Variants in GLT6D1 observed in about 807,000 individuals in gnomAD.
GLT6D1 encodes putative glycosyltransferase 6 domain-containing protein 1.
Under a neutral mutation model 12.3 loss-of-function variants are expected in GLT6D1, and 9 were observed. That is an observed-to-expected ratio of 0.73 (90% CI 0.44 to 1.27). The LOEUF (loss-of-function observed/expected upper bound fraction) is 1.27. GLT6D1 is among the 50% of genes most tolerant of loss of function. GLT6D1 has a pLI of 0.00. For synonymous variants in GLT6D1, 128 were observed against 132.3 expected (o/e 0.97, Z 0.23); for missense variants, 335 against 346.2 (o/e 0.97, Z 0.26).
chr9:135,633,466 G>C (rs1025528696), intron 2 of GLT6D1, among the ~76,000 whole-genome samples: 2 of 151,900 alleles, frequency 1.3e-5, no homozygotes, highest in Non-Finnish European at 1.5e-5. Context: ...ACGGGGCCAG[G>C]CTGGTCTCAA....
intron 3 of GLT6D1, among the ~76,000 whole-genome samples, chr9:135,627,171 GA>G (rs1046918880): frequency 1.1e-4 from 16 of 151,786 alleles, no homozygotes; most frequent in African/African-American, 1.9e-4. Context: ...GATTGGGAAG[GA>G]AAAAAACAAC....
At position 135,624,636 on chromosome 9, in the gene GLT6D1, A is replaced by G. The variant is rs1316816787; in HGVS notation, c.292T>C (p.Ser98Pro). ...CCTGTCATGAAGTGCTTATTTGCGG[A>G]GTGTAGGAACGGCCTCAGGTACTCC... ...AEEYLRPFLHSANKHFMTGYR... is the reference protein window; with the variant it reads ...AEEYLRPFLHPANKHFMTGYR... The change falls in exon 5 of 5, where the codon TCC (serine) becomes CCC (proline). Residue 98 changes from serine to proline, a missense_variant. Physicochemically the swap from Ser to Pro is moderately conservative, Grantham distance 74. Transcript: ENST00000371763. 1 of 1,598,660 alleles carries G rather than the reference A, an allele frequency of 6.3e-7. No homozygotes were observed. Among genetic ancestry groups the G allele is most frequent in the Non-Finnish European group, 8.5e-7 (1 of 1,170,852 alleles).
chr9:135,636,957 A>G (rs1236413548), intron 2 of GLT6D1, among the ~76,000 whole-genome samples: 1 of 151,954 alleles, frequency 6.6e-6, no homozygotes, highest in Non-Finnish European at 1.5e-5. Flanking sequence ...GGTTCAAGTG[A>G]TTCATCTGCC....
intron 3 of GLT6D1, 144 bp from the exon 4 acceptor site, chr9:135,626,350 T>C (rs896774783): frequency 3.7e-6 from 3 of 806,206 alleles, no homozygotes; most frequent in Admixed American, 2.6e-5. Flanking sequence ...GGATTCATCC[T>C]TGCAACGCCC....
upstream of GLT6D1, among the ~76,000 whole-genome samples, chr9:135,640,959 C>T (rs1173245341): frequency 6.6e-6 from 1 of 152,158 alleles, no homozygotes; most frequent in Non-Finnish European, 1.5e-5. Context: ...TCCATGACAT[C>T]ATCCCTGGGC....
intron 3 of GLT6D1, among the ~76,000 whole-genome samples, chr9:135,627,738 G>C (rs1019466657): frequency 1.3e-5 from 2 of 152,128 alleles, no homozygotes; most frequent in African/African-American, 2.4e-5. Flanking sequence ...TTGAGGAACT[G>C]ACAAACTGTC....
At position 135,626,085 on chromosome 9, in the gene GLT6D1, C is replaced by T. The variant is rs766469143; in HGVS notation, c.241G>A (p.Val81Ile). ...GGCACCTACCTGCCAGTAGCAAAGA[C>T]GGCCAGGCCCACAGTGATATTCCGC... ...RRRNITVGLA[V>I]FATGRFAEEY... The change falls in exon 4 of 5, where the codon GTC becomes ATC. Residue 81 changes from valine (V) to isoleucine (I), a missense_variant. Transcript: ENST00000371763. 30 of 1,613,926 alleles carry T rather than the reference C, an allele frequency of 1.9e-5. No homozygotes were observed. The highest frequency in any genetic ancestry group is 5.0e-5 in the Admixed American group (3 of 59,978).
intron 3 of GLT6D1, among the ~76,000 whole-genome samples, chr9:135,630,273 G>T (rs895992110): frequency 2.0e-5 from 3 of 151,838 alleles, no homozygotes; most frequent in African/African-American, 4.8e-5. Flanking sequence ...AGGCGTGGTG[G>T]CAGGCGCCTG....
Position 135,624,334 on chromosome 9 carries a change from C to T in GLT6D1, c.594G>A (p.Trp198Ter). ...GPLVAQLHAWWYFRNTKNFPY... is the reference protein window; with the variant it reads ...GPLVAQLHAW ...GGAAGTTCTTGGTGTTTCTGAAATACCACCAGGCGTGGAGCTGGGCCACCA... is the reference window on the plus strand; with the variant it reads ...GGAAGTTCTTGGTGTTTCTGAAATATCACCAGGCGTGGAGCTGGGCCACCA... The change falls in exon 5 of 5, where the codon TGG (tryptophan) becomes TGA (stop). Residue 198 changes from tryptophan (W) to a stop codon, truncating the protein, a stop_gained. Coordinates refer to ENST00000371763, the MANE Select transcript of GLT6D1 (RefSeq NM_182974.3). LOFTEE classifies it low-confidence loss of function (END_TRUNC). 6.2e-7 allele frequency: 1 copy of T among 1,611,870 alleles called. No homozygotes were observed. Among genetic ancestry groups the T allele is most frequent in the South Asian group, 1.1e-5 (1 of 90,840 alleles).
rs1050958101 is a variant in GLT6D1, at chr9:135,639,473, C to G, written c.-187G>C. 2.5e-4 allele frequency: 68 copies of G among 268,584 alleles called. 1 individual carries two copies. The highest frequency in any genetic ancestry group is 1.4e-3 in the African/African-American group (61 of 45,070). The allele number at this position is 268,584 out of a possible 1,614,324, so 16.6% of individuals were successfully genotyped here. ...ATTGCATGAAAGAAACGCAATAAATCTCTCCACTGCAGGGCTGTGCAAATA... is the reference window on the plus strand; with the variant it reads ...ATTGCATGAAAGAAACGCAATAAATGTCTCCACTGCAGGGCTGTGCAAATA... On this transcript the variant is annotated 5_prime_UTR_variant, in exon 1 of 5. Transcript: ENST00000371763.
At chr9:135,632,937 G>T (rs745453256) in intron 2 of GLT6D1, among the ~76,000 whole-genome samples, 23 of 152,070 alleles carry the variant, frequency 1.5e-4, no homozygotes, top group Non-Finnish European at 2.6e-4. Flanking sequence ...CAGAGTGCTG[G>T]GATTACAGGT....
upstream of GLT6D1, among the ~76,000 whole-genome samples, chr9:135,640,499 T>C (rs945351291): frequency 6.6e-6 from 1 of 151,758 alleles, no homozygotes; most frequent in Non-Finnish European, 1.5e-5. Flanking sequence ...AGGGGGAGGA[T>C]CACGAGGTCA....
intron 3 of GLT6D1, among the ~76,000 whole-genome samples, chr9:135,627,513 T>C (rs1405436065): frequency 6.6e-6 from 1 of 152,236 alleles, no homozygotes. Flanking sequence ...TCTGGAAATA[T>C]GGCTGAATAA....
intron 2 of GLT6D1, among the ~76,000 whole-genome samples, chr9:135,638,541 C>G (rs886518541): frequency 2.6e-5 from 4 of 151,900 alleles, no homozygotes; most frequent in African/African-American, 9.7e-5. Flanking sequence ...TTTTATTATG[C>G]TTGTTTTATA....
intron 3 of GLT6D1, among the ~76,000 whole-genome samples, chr9:135,626,451 T>C (rs1380479453): frequency 2.6e-5 from 4 of 152,146 alleles, no homozygotes; most frequent in African/African-American, 7.2e-5. Context: ...AGTTAACACG[T>C]GGGGATGCCA....
chr9:135,639,451 G>A lies in GLT6D1; in HGVS notation c.-165C>T. ...GTTCACATCAAAGTCTGCGTTGATTGCATGAAAGAAACGCAATAAATCTCT... is the reference window on the plus strand; with the variant it reads ...GTTCACATCAAAGTCTGCGTTGATTACATGAAAGAAACGCAATAAATCTCT... On this transcript the variant is annotated 5_prime_UTR_variant, in exon 1 of 5. The change creates a premature stop within an existing upstream ORF in the 5' untranslated region. Transcript: ENST00000371763. 3.3e-6 allele frequency: 1 copy of A among 307,504 alleles called. No individual in the cohort carries two copies. The highest frequency in any genetic ancestry group is 6.0e-6 in the Non-Finnish European group (1 of 166,846). 19.0% of individuals were successfully genotyped at this position (307,504 alleles called of 1,614,324 possible).
At chr9:135,626,465 C>A (rs1202495195) in intron 3 of GLT6D1, among the ~76,000 whole-genome samples, 1 of 152,162 alleles carries the variant, frequency 6.6e-6, no homozygotes, top group African/African-American at 2.4e-5. Flanking sequence ...GATGCCACAT[C>A]CAGCCTACCT....
At position 135,624,681 on chromosome 9, in the gene GLT6D1, C is replaced by A; in HGVS notation, c.258-11G>T. The A allele has an allele frequency of 7.1e-7, 1 of 1,409,262 alleles. No homozygotes were observed. Among genetic ancestry groups the A allele is most frequent in the Non-Finnish European group, 9.6e-7 (1 of 1,045,610 alleles). The allele number at this position is 1,409,262 out of a possible 1,614,324, so 87.3% of individuals were successfully genotyped here. The stretch of plus-strand genomic sequence containing the variant: ...TACTCCTCTGCAAACCTAGGAAACA[C>A]ACAGTGGGGAAGAAACTTACTTTTC... On this transcript the variant is annotated splice_polypyrimidine_tract_variant and intron_variant, in intron 4 of 4. Coordinates refer to ENST00000371763, the MANE Select transcript of GLT6D1 (RefSeq NM_182974.3).
intron 3 of GLT6D1, among the ~76,000 whole-genome samples, chr9:135,626,894 G>A (rs1833533230): frequency 6.6e-6 from 1 of 152,176 alleles, no homozygotes; most frequent in Admixed American, 6.5e-5. Flanking sequence ...CATATTGAAA[G>A]CTAGAGAAGA....
Sources: allele counts gnomAD v4.1 joint callset (sites outside exome capture counted in the v4.1 genomes callset), GRCh38; gene constraint gnomAD v4.1.1; transcripts MANE v1.5; gene names NCBI Gene and HGNC (gene_info 2026-07-23, HGNC 2026-07-21).